MAP3K21: variants seen among roughly 807,000 people sequenced by gnomAD.
The protein encoded by MAP3K21 is mitogen-activated protein kinase kinase kinase 21.
A neutral mutation model predicts 86.1 loss-of-function variants in MAP3K21; 63 were observed. The ratio of observed to expected loss-of-function variants is 0.73; its 90% CI spans 0.60 to 0.90. MAP3K21 has a LOEUF of 0.90. Ranked by LOEUF, MAP3K21 falls within the 40% of genes least tolerant of loss-of-function variation. The pLI is 0.00. For missense variants in MAP3K21, 1,220 were observed against 1,367.7 expected, an observed-to-expected ratio of 0.89 and a Z score of 1.70; for synonymous variants, 558 against 564.8, an observed-to-expected ratio of 0.99 and a Z score of 0.17.
In MAP3K21 at chr1:233,378,398, A is replaced by G. The variant is rs74608296; in HGVS notation, c.1925-533A>G. ...CACTCTTCAGAATTTCTGATTCCAT[A>G]GTCTGGGGTGGGCCAATAATTTACA... On this transcript the variant is annotated intron_variant, in intron 8 of 9. Coordinates refer to ENST00000366624, the MANE Select transcript of MAP3K21 (RefSeq NM_032435.3). Among the ~76,000 whole-genome samples the G allele has an allele frequency of 7.2e-4, 109 of 152,316 alleles. 1 individual carries two copies. Among genetic ancestry groups the G allele is most frequent in the Middle Eastern group, 3.4e-3 (1 of 294 alleles).
At chr1:233,355,654 C>A (rs202090943) in intron 4 of MAP3K21, among the ~76,000 whole-genome samples, 2 of 152,188 alleles carry the variant, frequency 1.3e-5, no homozygotes, top group East Asian at 1.9e-4. Flanking sequence ...TCCCCCGACT[C>A]CCGCTGTGCC....
chr1:233,348,619 G>A (rs894149098), intron 2 of MAP3K21, among the ~76,000 whole-genome samples: 2 of 152,088 alleles, frequency 1.3e-5, no homozygotes, highest in Non-Finnish European at 1.5e-5. Flanking sequence ...CACCAGTAGA[G>A]TGTCAGGGTT....
intron 1 of MAP3K21, among the ~76,000 whole-genome samples, chr1:233,340,320 T>C (rs2102760919): frequency 6.6e-6 from 1 of 152,144 alleles, no homozygotes; most frequent in South Asian, 2.1e-4. Flanking sequence ...GGAGGTCCAG[T>C]AGGAAGTGTG....
Position 233,354,882 on chromosome 1 carries a change from T to G in MAP3K21, c.1182T>G (p.Ile394Met). Residue 394 changes from isoleucine to methionine, a missense_variant, in exon 4 of 10, where the codon ATT becomes ATG. This residue lies in a region of MAP3K21 where 126 missense variants were observed against 127.7 expected (regional missense o/e 0.99). Coordinates refer to ENST00000366624, the MANE Select transcript of MAP3K21 (RefSeq NM_032435.3). ...ATATTCGTCCATCGTTTGCCTTAAT[T>G]CTCGAACAGTTGACTGCTATTGAAG... is the stretch of plus-strand genomic sequence containing the variant. Reference protein sequence around the residue: ...DPHIRPSFALILEQLTAIEGA... With the variant: ...DPHIRPSFALMLEQLTAIEGA... 1 of 1,614,104 alleles carries G rather than the reference T, an allele frequency of 6.2e-7. No homozygotes were observed. The highest frequency in any genetic ancestry group is 8.5e-7 in the Non-Finnish European group (1 of 1,179,998).
At chr1:233,354,437 C>T (rs1345628563) in intron 3 of MAP3K21, among the ~76,000 whole-genome samples, 2 of 152,144 alleles carry the variant, frequency 1.3e-5, no homozygotes, top group African/African-American at 2.4e-5. Context: ...ATTTTTAGAA[C>T]TTCTCATGTG....
At chr1:233,329,561 T>C (rs950175676) in intron 1 of MAP3K21, among the ~76,000 whole-genome samples, 1 of 151,566 alleles carries the variant, frequency 6.6e-6, no homozygotes, top group African/African-American at 2.4e-5. Context: ...GGCGGAGGCA[T>C]GAGAATCACT....
In MAP3K21 at chr1:233,346,558, T is replaced by C. The variant is rs777767106; in HGVS notation, c.922T>C (p.Tyr308His). ...RTTKMSTAGT[Y>H]AWMAPEVIKS... ...CACCAAAATGAGCACAGCAGGCACCTATGCCTGGATGGCCCCCGAAGTGAT... is the reference window on the plus strand; with the variant it reads ...CACCAAAATGAGCACAGCAGGCACCCATGCCTGGATGGCCCCCGAAGTGAT... The change falls in exon 2 of 10, where the codon TAT becomes CAT. Residue 308 changes from tyrosine (Y) to histidine (H), a missense_variant. Coordinates refer to ENST00000366624, the MANE Select transcript of MAP3K21 (RefSeq NM_032435.3). The C allele has an allele frequency of 6.2e-7, 1 of 1,613,836 alleles. No individual in the cohort carries two copies. Among genetic ancestry groups the C allele is most frequent in the Non-Finnish European group, 8.5e-7 (1 of 1,179,744 alleles).
intron 9 of MAP3K21, among the ~76,000 whole-genome samples, chr1:233,381,688 AG>A (rs1292666112): frequency 6.6e-6 from 1 of 152,230 alleles, no homozygotes; most frequent in Non-Finnish European, 1.5e-5. Context: ...ATTCTAGCAC[AG>A]TAATCCCATA....
At position 233,380,586 on chromosome 1, in the gene MAP3K21, A is replaced by T. The variant is rs112255150; in HGVS notation, c.2704+876A>T. ...TATACCAGACAGTTCCATGAGGTTT[A>T]TGTCCAGATGTGGAATCTCTGAAAG... is the stretch of plus-strand genomic sequence containing the variant. On this transcript the variant is annotated intron_variant, in intron 9 of 9. Transcript: ENST00000366624. Among the ~76,000 whole-genome samples the T allele has an allele frequency of 3.9e-3, 601 of 152,336 alleles. 3 individuals are homozygous for T. The highest frequency in any genetic ancestry group is 0.013 in the African/African-American group (529 of 41,582).
At position 233,383,693 on chromosome 1, in the gene MAP3K21, A is replaced by C. The variant is rs41272645; in HGVS notation, c.*982A>C. The C allele has an allele frequency of 6.6e-6, 1 of 152,324 alleles. No individual in the cohort carries two copies. The highest frequency in any genetic ancestry group is 1.5e-5 in the Non-Finnish European group (1 of 68,026). 9.4% of individuals were successfully genotyped at this position (152,324 alleles called of 1,614,324 possible). A position where few individuals can be genotyped will look rare whatever the true frequency, so the allele number is the denominator to read the frequency against. On this transcript the variant is annotated 3_prime_UTR_variant, in exon 10 of 10. Coordinates refer to ENST00000366624, the MANE Select transcript of MAP3K21 (RefSeq NM_032435.3). ...AATTTTATTTTCTCTATTTGAGTGC[A>C]TAATTATCCTAATAATCCCAAAGAC...
At chr1:233,339,406 TCC>T (rs1491366024) in intron 1 of MAP3K21, among the ~76,000 whole-genome samples, 26 of 61,454 alleles carry the variant, frequency 4.2e-4, no homozygotes, top group African/African-American at 1.6e-3. Context: ...CTTCTCCTCC[TCC>T]TCCTCCTCCT....
At chr1:233,349,154 T>C (rs1033856045) in intron 2 of MAP3K21, among the ~76,000 whole-genome samples, 3 of 152,224 alleles carry the variant, frequency 2.0e-5, no homozygotes, top group Non-Finnish European at 2.9e-5. Context: ...GACTGTCTAC[T>C]GGTGAAGGCT....
chr1:233,346,670 T>A (rs767889921), intron 2 of MAP3K21, 48 bp downstream of exon 2: 1 of 1,519,908 alleles, frequency 6.6e-7, no homozygotes, highest in African/African-American at 1.4e-5. Flanking sequence ...TTGCTATGCT[T>A]TATTTCAGTA....
chr1:233,328,434 G>A lies in MAP3K21; in HGVS notation c.406G>A (p.Gly136Arg), dbSNP rs867066661. The A allele has an allele frequency of 2.0e-6, 3 of 1,495,834 alleles. No homozygotes were observed. Among genetic ancestry groups the A allele is most frequent in the Non-Finnish European group, 2.7e-6 (3 of 1,131,356 alleles). The allele number at this position is 1,495,834 out of a possible 1,614,324, so 92.7% of individuals were successfully genotyped here. ...LKELIGAGGF[G>R]QVYRATWQGQ... Reference sequence around the variant, plus strand: ...GGAGCTCATCGGCGCTGGGGGCTTCGGGCAGGTGTACCGCGCCACCTGGCA... The same window carrying A: ...GGAGCTCATCGGCGCTGGGGGCTTCAGGCAGGTGTACCGCGCCACCTGGCA... Residue 136 changes from glycine to arginine, a missense_variant, in exon 1 of 10, where the codon GGG (glycine) becomes AGG (arginine). Physicochemically the swap from Gly to Arg is moderately radical, Grantham distance 125 (BLOSUM62 -2). This residue lies in a region of MAP3K21 where 369 missense variants were observed against 385.3 expected (regional missense o/e 0.96). Coordinates refer to ENST00000366624, the MANE Select transcript of MAP3K21 (RefSeq NM_032435.3). This position sits in a 1 kb window ranked among gnomAD's most constrained non-coding sequence, Gnocchi z 8.7.
Position 233,362,079 on chromosome 1 carries a change from G to C in MAP3K21, c.1338G>C (p.Leu446=). Residue 446 remains leucine (L), a synonymous_variant, in exon 5 of 10, where the codon CTG becomes CTC. Coordinates refer to ENST00000366624, the MANE Select transcript of MAP3K21 (RefSeq NM_032435.3). ...EKELRSREEE[L]TRAALQQKSQ... is the part of the protein sequence containing the mutation. ...AGCTGCGATCCCGGGAAGAGGAGCT[G>C]ACTCGGGCGGCTCTGCAGCAGAAGT... is the stretch of plus-strand genomic sequence containing the variant. 1 of 1,612,768 alleles carries C rather than the reference G, an allele frequency of 6.2e-7. No individual in the cohort carries two copies. The highest frequency in any genetic ancestry group is 8.5e-7 in the Non-Finnish European group (1 of 1,179,402).
At chr1:233,380,214 G>T (rs1432416347) in intron 9 of MAP3K21, among the ~76,000 whole-genome samples, 1 of 152,244 alleles carries the variant, frequency 6.6e-6, no homozygotes. Flanking sequence ...TTGTCCAGCA[G>T]TTCCAGAGGC....
At chr1:233,368,807 C>A (rs1458294915) in intron 5 of MAP3K21, among the ~76,000 whole-genome samples, 1 of 152,182 alleles carries the variant, frequency 6.6e-6, no homozygotes, top group East Asian at 1.9e-4. Flanking sequence ...ATGAACCCTG[C>A]ATAACTTTCT....
chr1:233,331,806 T>C (rs565610261), intron 1 of MAP3K21, among the ~76,000 whole-genome samples: 1 of 152,342 alleles, frequency 6.6e-6, no homozygotes, highest in Non-Finnish European at 1.5e-5. Flanking sequence ...TGTGAGGGAA[T>C]GTCTGTGTCT....
chr1:233,349,487 CA>C (rs1387185223), intron 2 of MAP3K21, among the ~76,000 whole-genome samples: 4 of 152,004 alleles, frequency 2.6e-5, no homozygotes, highest in Admixed American at 2.6e-4. Context: ...CTATCATAAA[CA>C]GGGGAGAATC....
Sources: gnomAD v4.1 joint callset for allele counts (sites outside exome capture counted in the v4.1 genomes callset) on GRCh38, gnomAD v4.1.1 for gene constraint, gnomAD v4.1.1 regional missense constraint, Gnocchi (gnomAD v3.1) non-coding constraint, MANE v1.5 for transcripts, NCBI Gene and HGNC (gene_info 2026-07-23, HGNC 2026-07-21) for gene names.